The following PHF7 variants were observed in gnomAD, a reference collection of about 807,000 sequenced individuals.
The protein encoded by PHF7 is PHD finger protein 7, also known as E3 ubiquitin-protein ligase PHF7.
A neutral mutation model predicts 47.5 loss-of-function variants in PHF7; 24 were observed. That is an observed-to-expected ratio of 0.51 (90% CI 0.37 to 0.71). PHF7 has a LOEUF of 0.71. Ranked by LOEUF, PHF7 falls within the 30% of genes least tolerant of loss-of-function variation. The probability of loss-of-function intolerance (pLI) is 0.00; values close to 1 mark genes in which losing one functional copy is unlikely to be tolerated. For missense variants in PHF7, 361 were observed against 456.8 expected, an observed-to-expected ratio of 0.79 and a Z score of 1.91; for synonymous variants, 156 against 153.8, an observed-to-expected ratio of 1.01 and a Z score of -0.11.
At chr3:52,420,847 C>A in intron 6 of PHF7, 56 bp from the exon 7 acceptor site, 2 of 1,534,710 alleles carry the variant, frequency 1.3e-6, no homozygotes, top group Non-Finnish European at 8.9e-7. Flanking sequence ...TAGAGCGGGC[C>A]ATTGGGAAAC....
intron 2 of PHF7, 73 bp from the exon 3 acceptor site, chr3:52,413,923 T>TAAGAGAAATGTTAAAA (rs1705541417): frequency 4.9e-6 from 5 of 1,016,486 alleles, no homozygotes; most frequent in Non-Finnish European, 7.8e-6. Flanking sequence ...AATGGCATTT[T>TAAGAGAAATGTTAAAA]AAGAGAAATG....
rs550648138 is a variant in PHF7 at position 52,420,339 on chromosome 3, C to G, written c.317C>G (p.Ala106Gly). Residue 106 changes from alanine (A) to glycine (G), a missense_variant, in exon 6 of 11, where the codon GCT becomes GGT. Transcript: ENST00000327906. ...TGCTTTGTGTGCAAGAAAAAGGGAG[C>G]TGCTATCAACTGCCAGAAGGATCAG... ...KICFVCKKKG[A>G]AINCQKDQCL... 1 of 1,613,732 alleles carries G rather than the reference C, an allele frequency of 6.2e-7. No individual in the cohort carries two copies. Among genetic ancestry groups the G allele is most frequent in the East Asian group, 2.2e-5 (1 of 44,888 alleles).
At chr3:52,413,845 A>G in intron 2 of PHF7, 151 bp from the exon 3 acceptor site, 4 of 615,690 alleles carry the variant, frequency 6.5e-6, no homozygotes, top group Admixed American at 2.8e-5. Context: ...AAAAACATAT[A>G]TATGTGAAAT....
intron 8 of PHF7, 83 bp downstream of exon 8, chr3:52,421,837 C>G (rs1009542579): frequency 1.3e-6 from 1 of 759,158 alleles, no homozygotes; most frequent in Non-Finnish European, 2.4e-6. Flanking sequence ...GAGGATAGTT[C>G]AGAGAATGAG....
intron 4 of PHF7, among the ~76,000 whole-genome samples, chr3:52,415,020 G>A (rs1341050647): frequency 6.6e-6 from 1 of 151,876 alleles, no homozygotes; most frequent in African/African-American, 2.4e-5. Context: ...ATATGTGTCT[G>A]GTATAAAATC....
Position 52,423,431 on chromosome 3 carries a change from A to T in PHF7, c.*114A>T. The T allele has an allele frequency of 1.5e-6, 1 of 667,874 alleles. No homozygotes were observed. The highest frequency in any genetic ancestry group is 2.6e-6 in the Non-Finnish European group (1 of 380,216). The allele number at this position is 667,874 out of a possible 1,614,324, so 41.4% of individuals were successfully genotyped here. A position where few individuals can be genotyped will look rare whatever the true frequency, so the allele number is the denominator to read the frequency against. ...AGACAAGGAAGCAGGGCCAGCAGTG[A>T]GACTATGAGCCAAGCAAAGAGAAGT... On this transcript the variant is annotated 3_prime_UTR_variant, in exon 11 of 11. Transcript: ENST00000327906.
At chr3:52,413,555 C>T (rs754789548) in intron 2 of PHF7, among the ~76,000 whole-genome samples, 5 of 152,180 alleles carry the variant, frequency 3.3e-5, no homozygotes, top group Non-Finnish European at 7.3e-5. Context: ...TGAAATATGG[C>T]CAGGTGCAGT....
Position 52,423,236 on chromosome 3 carries a change from A to G in PHF7, c.1065A>G (p.Pro355=), listed in dbSNP as rs1336744258. ...DWPEPSLLEK[P]ESSRGRRSYS... ...CAGAACCTTCCTTATTAGAAAAGCC[A>G]GAGTCCTCTCGTGGCAGGAGGAGCT... The change falls in exon 11 of 11, where the codon CCA becomes CCG. Residue 355 remains proline (P), a synonymous_variant. Transcript: ENST00000327906. 4 of 1,614,054 alleles carry G rather than the reference A, an allele frequency of 2.5e-6. No homozygotes were observed. In the African/African-American group the frequency reaches 5.3e-5, roughly 22 times the overall value.
At chr3:52,418,239 A>G (rs760154089) in intron 4 of PHF7, among the ~76,000 whole-genome samples, 1 of 152,182 alleles carries the variant, frequency 6.6e-6, no homozygotes, top group Admixed American at 6.5e-5. Flanking sequence ...TGTAAGTCCT[A>G]TCAGGTGTCA....
intron 4 of PHF7, 41 bp from the exon 5 acceptor site, chr3:52,419,792 T>C (rs1705732080): frequency 9.0e-7 from 1 of 1,111,940 alleles, no homozygotes. Context: ...ACTGTTTCAC[T>C]GATCATCATT....
At position 52,420,924 on chromosome 3, in the gene PHF7, C is replaced by T. The variant is rs765757754; in HGVS notation, c.435C>T (p.Arg145=). The change falls in exon 7 of 11, where the codon CGC becomes CGT. Residue 145 remains arginine (R), a synonymous_variant. Coordinates refer to ENST00000327906, the MANE Select transcript of PHF7 (RefSeq NM_016483.7). ...ACAGATCATTTTGTGACAAACATCG[C>T]CCAACACAGAACATCCAACATGGGC... ...GEYKSFCDKH[R]PTQNIQHGHV... is the part of the protein sequence containing the mutation. 11 of 1,611,460 alleles carry T rather than the reference C, an allele frequency of 6.8e-6. No homozygotes were observed. In the South Asian group the frequency reaches 9.9e-5, roughly 15 times the overall value.
chr3:52,414,196 G>A, intron 3 of PHF7, 148 bp downstream of exon 3: 1 of 624,768 alleles, frequency 1.6e-6, no homozygotes, highest in Non-Finnish European at 2.9e-6. Flanking sequence ...CTCAGGAACT[G>A]CCATTTTAAA....
intron 1 of PHF7, 92 bp from the exon 2 acceptor site, chr3:52,412,719 G>A: frequency 3.2e-6 from 2 of 632,894 alleles, no homozygotes; most frequent in Non-Finnish European, 5.7e-6. Flanking sequence ...CACATGGGTT[G>A]GGAGGTGAAG....
At chr3:52,414,091 C>G in intron 3 of PHF7, 43 bp downstream of exon 3, 1 of 1,443,198 alleles carries the variant, frequency 6.9e-7, no homozygotes, top group Non-Finnish European at 9.8e-7. Flanking sequence ...GCCTCCAGCC[C>G]TCAGCAAAGA....
chr3:52,414,340 C>G (rs1017434494), intron 3 of PHF7, among the ~76,000 whole-genome samples, 156 bp from the exon 4 acceptor site: 1 of 152,172 alleles, frequency 6.6e-6, no homozygotes, highest in African/African-American at 2.4e-5. Context: ...CTAATTGATA[C>G]CACATAAGAC....
chr3:52,422,895 G>C lies in PHF7; in HGVS notation c.919+14G>C. On this transcript the variant is annotated intron_variant, in intron 10 of 10. Transcript: ENST00000327906. The stretch of plus-strand genomic sequence containing the variant: ...CTGCAGCCACAGGTGAGGCTGGAGG[G>C]ATGGGCCGGCCTCAGAGCAAGGAGG... 1 of 1,614,028 alleles carries C rather than the reference G, an allele frequency of 6.2e-7. No homozygotes were observed. Among genetic ancestry groups the C allele is most frequent in the Non-Finnish European group, 8.5e-7 (1 of 1,179,968 alleles).
At position 52,414,547 on chromosome 3, in the gene PHF7, T is replaced by G. The variant is rs761592502; in HGVS notation, c.146T>G (p.Phe49Cys). The change falls in exon 4 of 11, where the codon TTT (phenylalanine) becomes TGT (cysteine). Residue 49 changes from phenylalanine to cysteine, a missense_variant. Phe to Cys is a radical substitution (Grantham distance 205). Transcript: ENST00000327906. The stretch of plus-strand genomic sequence containing the variant: ...GGGGATCCCGAAAAATTAGGGGAAT[T>G]TCTTCAGAAAGACAATATCAGCGTG... ...EPGDPEKLGE[F>C]LQKDNISVHY... 2.5e-6 allele frequency: 4 copies of G among 1,613,194 alleles called. No homozygotes were observed. Among genetic ancestry groups the G allele is most frequent in the East Asian group, 4.5e-5 (2 of 44,828 alleles).
At chr3:52,419,531 C>T (rs1048624176) in intron 4 of PHF7, among the ~76,000 whole-genome samples, 3 of 151,620 alleles carry the variant, frequency 2.0e-5, no homozygotes, top group African/African-American at 4.8e-5. Context: ...CTCGGGTTCA[C>T]GCCATTCTCC....
chr3:52,411,861 A>T (rs539224453), intron 1 of PHF7, among the ~76,000 whole-genome samples: 1 of 152,368 alleles, frequency 6.6e-6, no homozygotes, highest in African/African-American at 2.4e-5. Context: ...CTCGGCTCAG[A>T]TGGAGACAAA....
Sources: allele counts gnomAD v4.1 joint callset (sites outside exome capture counted in the v4.1 genomes callset), GRCh38; gene constraint gnomAD v4.1.1; transcripts MANE v1.5; gene names NCBI Gene and HGNC (gene_info 2026-07-23, HGNC 2026-07-21).